RSPO3: variants seen among roughly 807,000 people sequenced by gnomAD.
RSPO3 encodes the protein R-spondin 3, also known as R-spondin-3.
In RSPO3, 17 loss-of-function variants were observed where a neutral mutation model predicts 36.5. The ratio of observed to expected loss-of-function variants is 0.47; its 90% CI spans 0.32 to 0.70. RSPO3 has a LOEUF of 0.70. Ranked by LOEUF, RSPO3 falls within the 30% of genes least tolerant of loss-of-function variation. The pLI, the probability that RSPO3 is intolerant of heterozygous loss-of-function variation, is 0.04. For synonymous variants in RSPO3, 108 were observed against 107.0 expected (o/e 1.01, Z -0.06); for missense variants, 294 against 322.5 (o/e 0.91, Z 0.68).
intron 4 of RSPO3, among the ~76,000 whole-genome samples, chr6:127,180,905 A>C (rs1243378494): frequency 1.3e-5 from 2 of 151,860 alleles, no homozygotes; most frequent in Admixed American, 6.6e-5. Context: ...TATTGATTCT[A>C]TTTTATAAAT....
At chr6:127,168,628 G>T (rs7764034) in intron 4 of RSPO3, among the ~76,000 whole-genome samples, 71,062 of 151,710 alleles carry the variant, frequency 0.47, 16,789 homozygotes, top group East Asian at 0.53. Flanking sequence ...CAATTTTGGG[G>T]TTTGTTGCCA....
chr6:127,173,459 T>G (rs1260122689), intron 4 of RSPO3, among the ~76,000 whole-genome samples: 1 of 151,876 alleles, frequency 6.6e-6, no homozygotes, highest in Non-Finnish European at 1.5e-5. Flanking sequence ...ATAAAGAATC[T>G]CACTTGGCTT....
intron 4 of RSPO3, among the ~76,000 whole-genome samples, chr6:127,185,591 T>C (rs1035224661): frequency 1.3e-5 from 2 of 152,104 alleles, no homozygotes; most frequent in Admixed American, 1.3e-4. Flanking sequence ...ATATTATCTG[T>C]AGCTAAAATT....
chr6:127,144,119 G>C (rs1774332932), intron 1 of RSPO3, among the ~76,000 whole-genome samples: 1 of 152,154 alleles, frequency 6.6e-6, no homozygotes, highest in Non-Finnish European at 1.5e-5. Context: ...TTATGTATCA[G>C]TGTACACCCT....
At chr6:127,143,232 C>T (rs1774314973) in intron 1 of RSPO3, among the ~76,000 whole-genome samples, 1 of 151,984 alleles carries the variant, frequency 6.6e-6, no homozygotes, top group Non-Finnish European at 1.5e-5. Context: ...ATCTCAAATT[C>T]CTGAATCTAT....
At chr6:127,127,995 A>T (rs748184570) in intron 1 of RSPO3, among the ~76,000 whole-genome samples, 3 of 152,014 alleles carry the variant, frequency 2.0e-5, no homozygotes, top group African/African-American at 7.2e-5. Context: ...TGATTTTTTC[A>T]TTAAAAGCAA....
At chr6:127,142,234 T>C (rs1032140324) in intron 1 of RSPO3, among the ~76,000 whole-genome samples, 2 of 152,212 alleles carry the variant, frequency 1.3e-5, no homozygotes, top group Non-Finnish European at 2.9e-5. Context: ...TTGCTATCTA[T>C]ACCTAACTTT....
intron 4 of RSPO3, among the ~76,000 whole-genome samples, chr6:127,179,266 A>G (rs1331906070): frequency 1.3e-5 from 2 of 151,890 alleles, no homozygotes; most frequent in African/African-American, 4.8e-5. Flanking sequence ...GATTGAGAGT[A>G]GAGAATTAGA....
At chr6:127,155,061 A>G (rs998161994) in intron 3 of RSPO3, among the ~76,000 whole-genome samples, 180 bp from the exon 4 acceptor site, 1 of 152,188 alleles carries the variant, frequency 6.6e-6, no homozygotes, top group Non-Finnish European at 1.5e-5. Flanking sequence ...TAAACTGAAA[A>G]CATTCAATTT....
intron 3 of RSPO3, among the ~76,000 whole-genome samples, chr6:127,151,047 G>A (rs1774481911): frequency 6.6e-6 from 1 of 151,748 alleles, no homozygotes; most frequent in Non-Finnish European, 1.5e-5. Context: ...ATTTTCCAAG[G>A]TGGGAACATA....
intron 4 of RSPO3, among the ~76,000 whole-genome samples, chr6:127,173,456 A>G (rs1774983464): frequency 6.6e-6 from 1 of 152,024 alleles, no homozygotes; most frequent in African/African-American, 2.4e-5. Context: ...CTAATAAAGA[A>G]TCTCACTTGG....
chr6:127,121,566 G>A (rs1187042109), intron 1 of RSPO3, among the ~76,000 whole-genome samples: 1 of 152,136 alleles, frequency 6.6e-6, no homozygotes, highest in Admixed American at 6.5e-5. Flanking sequence ...TGCAATCCTG[G>A]TAGAGGGGCG....
chr6:127,178,633 AAT>A (rs1775116089), intron 4 of RSPO3, among the ~76,000 whole-genome samples: 1 of 151,804 alleles, frequency 6.6e-6, no homozygotes, highest in African/African-American at 2.4e-5. Flanking sequence ...AATCAATAAA[AAT>A]ATGTGTATAT....
At chr6:127,165,554 T>A (rs1029961391) in intron 4 of RSPO3, among the ~76,000 whole-genome samples, 4 of 151,912 alleles carry the variant, frequency 2.6e-5, no homozygotes, top group African/African-American at 9.7e-5. Context: ...ACAAGGGAGT[T>A]TTTAAATTTA....
At chr6:127,135,922 G>T (rs957247358) in intron 1 of RSPO3, among the ~76,000 whole-genome samples, 10 of 106,714 alleles carry the variant, frequency 9.4e-5, no homozygotes, top group African/African-American at 3.7e-4. Context: ...CTGAGACCCT[G>T]CCTCAAAAAA....
chr6:127,142,076 T>C (rs575990104), intron 1 of RSPO3, among the ~76,000 whole-genome samples: 2 of 152,242 alleles, frequency 1.3e-5, no homozygotes, highest in South Asian at 4.1e-4. Flanking sequence ...TTTGGACATA[T>C]AAACATGTGG....
rs150153767 is a variant in RSPO3, at chr6:127,133,981, T to G, written c.98-14667T>G. On this transcript the variant is annotated intron_variant, in intron 1 of 4. Coordinates refer to ENST00000356698, the MANE Select transcript of RSPO3 (RefSeq NM_032784.5). ...AAGATAAATTAGAGCACTTTAGATA[T>G]CATTTCTAAGCCGAATAGTACCTCT... is the stretch of plus-strand genomic sequence containing the variant. Among the ~76,000 whole-genome samples, 814 of 152,294 alleles carry G rather than the reference T, an allele frequency of 5.3e-3. 8 individuals are homozygous for G. Among genetic ancestry groups the G allele is most frequent in the African/African-American group, 0.018 (746 of 41,580 alleles).
chr6:127,136,565 CTTAT>C (rs1239612814), intron 1 of RSPO3, among the ~76,000 whole-genome samples: 1 of 152,088 alleles, frequency 6.6e-6, no homozygotes, highest in Admixed American at 6.6e-5. Context: ...TTCTCATCGT[CTTAT>C]TTGATTTTTT....
intron 1 of RSPO3, among the ~76,000 whole-genome samples, chr6:127,139,178 C>G (rs1031003662): frequency 2.0e-5 from 3 of 152,150 alleles, no homozygotes; most frequent in Non-Finnish European, 4.4e-5. Flanking sequence ...GGAAAAAAAT[C>G]ACTTATTTTC....
Sources: allele counts gnomAD v4.1 joint callset (sites outside exome capture counted in the v4.1 genomes callset), GRCh38; gene constraint gnomAD v4.1.1; transcripts MANE v1.5; gene names NCBI Gene and HGNC (gene_info 2026-07-23, HGNC 2026-07-21).